Variants in LRIG2 observed in about 807,000 individuals in gnomAD.
LRIG2 encodes leucine rich repeats and immunoglobulin like domains 2.
LRIG2 carries 93 observed loss-of-function variants against 107.8 expected under a neutral mutation model. That is an observed-to-expected ratio of 0.86 (90% confidence interval 0.73 to 1.03). The LOEUF (loss-of-function observed/expected upper bound fraction) is 1.03. Ranked by LOEUF, LRIG2 falls within the 50% of genes least tolerant of loss-of-function variation. LRIG2 has a pLI of 0.00. For synonymous variants in LRIG2, 471 were observed against 470.6 expected (o/e 1.00, Z -0.01); for missense variants, 1,226 against 1,296.0 (o/e 0.95, Z 0.83).
At position 113,116,442 on chromosome 1, in the gene LRIG2, GAC is replaced by G. The variant is rs201659594; in HGVS notation, c.2680+7_2680+8del. 6.7e-7 allele frequency: 1 copy of G among 1,498,652 alleles called. No individual in the cohort carries two copies. Among genetic ancestry groups the G allele is most frequent in the Non-Finnish European group, 8.9e-7 (1 of 1,118,662 alleles). 92.8% of individuals were successfully genotyped at this position (1,498,652 alleles called of 1,614,324 possible). A position where few individuals can be genotyped will look rare whatever the true frequency, so the allele number is the denominator to read the frequency against. ...TATACACAAAGGCACTGACGGTAATGACTCTGTTGTTTATGGTTACAATTTCA... is the reference window on the plus strand; with the variant it reads ...TATACACAAAGGCACTGACGGTAATGTCTGTTGTTTATGGTTACAATTTCA... On this transcript the variant is annotated splice_region_variant and intron_variant, in intron 16 of 17. Coordinates refer to ENST00000361127, the MANE Select transcript of LRIG2 (RefSeq NM_014813.3).
chr1:113,105,752 A>G (rs887609099), intron 11 of LRIG2, among the ~76,000 whole-genome samples: 12 of 152,232 alleles, frequency 7.9e-5, no homozygotes, highest in African/African-American at 1.2e-4. Flanking sequence ...GTCTCAAAAC[A>G]CAGTTGCGTT....
At chr1:113,093,604 A>G (rs764198455) in intron 4 of LRIG2, 40 bp downstream of exon 4, 11 of 572,206 alleles carry the variant, frequency 1.9e-5, no homozygotes, top group Non-Finnish European at 2.9e-5. Context: ...TTTAAAGCAC[A>G]TGTTTATGGG....
chr1:113,075,585 T>G (rs923416969), intron 1 of LRIG2, among the ~76,000 whole-genome samples: 1 of 152,142 alleles, frequency 6.6e-6, no homozygotes, highest in Non-Finnish European at 1.5e-5. Context: ...AGCAAGTGCC[T>G]TTTTCTAAGA....
intron 8 of LRIG2, 81 bp downstream of exon 8, chr1:113,096,446 C>A: frequency 7.0e-7 from 1 of 1,422,940 alleles, no homozygotes; most frequent in Non-Finnish European, 9.6e-7. Flanking sequence ...AACAACTAAT[C>A]AGTCTGCAAA....
rs1320775634 is a variant in LRIG2, at chr1:113,131,656, C to T, written c.*7555C>T. On this transcript the variant is annotated 3_prime_UTR_variant, in exon 18 of 18. Transcript: ENST00000361127. The stretch of plus-strand genomic sequence containing the variant: ...ACAGTCTAAACCAACATCAGTTAGC[C>T]TTGATTTTCTTTCTTTTTTGGACAA... 1 of 152,062 alleles carries T rather than the reference C, an allele frequency of 6.6e-6. No homozygotes were observed. Among genetic ancestry groups the T allele is most frequent in the African/African-American group, 2.4e-5 (1 of 41,392 alleles). The allele number at this position is 152,062 out of a possible 1,614,324, so 9.4% of individuals were successfully genotyped here.
At position 113,110,555 on chromosome 1, in the gene LRIG2, TGTAAATG is replaced by T; in HGVS notation, c.1796_1798+4del. 6.2e-7 allele frequency: 1 copy of T among 1,600,520 alleles called. No individual in the cohort carries two copies. Among genetic ancestry groups the T allele is most frequent in the Non-Finnish European group, 8.5e-7 (1 of 1,169,778 alleles). On this transcript the variant is annotated frameshift_variant and splice_region_variant, in exon 13 of 18. Coordinates refer to ENST00000361127, the MANE Select transcript of LRIG2 (RefSeq NM_014813.3). LOFTEE classifies it high-confidence loss of function. ...ATTATTCTCAGAAAGCCAAACTGAC[TGTAAATG>T]GTAAGGAATTATGCTCCTTGATTTT... is the stretch of plus-strand genomic sequence containing the variant.
intron 17 of LRIG2, among the ~76,000 whole-genome samples, chr1:113,120,152 A>G (rs563981323): frequency 3.9e-5 from 6 of 152,076 alleles, no homozygotes; most frequent in Non-Finnish European, 8.8e-5. Flanking sequence ...TTTAAATAAA[A>G]GAATAAAATA....
rs562578275 is a variant in LRIG2, at chr1:113,088,822, G to A, written c.240-2496G>A. ...CATCTTTTCACTTATATTTTTATAC[G>A]AGTGTATGTGTTTATTGTTTAGTAG... is the stretch of plus-strand genomic sequence containing the variant. On this transcript the variant is annotated intron_variant, in intron 1 of 17. Coordinates refer to ENST00000361127, the MANE Select transcript of LRIG2 (RefSeq NM_014813.3). Among the ~76,000 whole-genome samples, 10 of 152,258 alleles carry A rather than the reference G, an allele frequency of 6.6e-5. No homozygotes were observed. The East Asian group carries it at 1.5e-3, about 24-fold the overall frequency.
Position 113,096,030 on chromosome 1 carries a change from T to C in LRIG2, c.947+13T>C, listed in dbSNP as rs765955201. 1.2e-6 allele frequency: 2 copies of C among 1,614,092 alleles called. No individual in the cohort carries two copies. Among genetic ancestry groups the C allele is most frequent in the South Asian group, 1.1e-5 (1 of 91,082 alleles). On this transcript the variant is annotated intron_variant, in intron 7 of 17. Transcript: ENST00000361127. ...GACTATCCGAACTGTAAGTGTTGGA[T>C]AGCATTTCACTGGAGGCAGTTAAGA... is the stretch of plus-strand genomic sequence containing the variant.
At chr1:113,090,036 T>C (rs1051568624) in intron 1 of LRIG2, among the ~76,000 whole-genome samples, 1 of 151,938 alleles carries the variant, frequency 6.6e-6, no homozygotes, top group Non-Finnish European at 1.5e-5. Flanking sequence ...ATCAAGGATG[T>C]GGTCAACTTC....
chr1:113,077,396 C>T (rs1653029794), intron 1 of LRIG2, among the ~76,000 whole-genome samples: 1 of 152,152 alleles, frequency 6.6e-6, no homozygotes, highest in South Asian at 2.1e-4. Flanking sequence ...CCCACCTTGG[C>T]CTCCCAAAGT....
intron 11 of LRIG2, among the ~76,000 whole-genome samples, chr1:113,101,986 A>T (rs925437214): frequency 2.1e-5 from 3 of 141,088 alleles, no homozygotes; most frequent in African/African-American, 9.2e-5. Flanking sequence ...ACAACTGAAG[A>T]AAAAAAAAAC....
intron 6 of LRIG2, 28 bp from the exon 7 acceptor site, chr1:113,095,846 A>T: frequency 2.5e-6 from 4 of 1,613,604 alleles, no homozygotes; most frequent in Non-Finnish European, 2.5e-6. Flanking sequence ...TTTGGAACGT[A>T]TTTTCTTCTC....
At chr1:113,085,120 C>G (rs1420732114) in intron 1 of LRIG2, among the ~76,000 whole-genome samples, 2 of 152,138 alleles carry the variant, frequency 1.3e-5, no homozygotes, top group African/African-American at 2.4e-5. Flanking sequence ...CCTTCCTCAG[C>G]CTTTCCCAAA....
At chr1:113,080,298 CG>C (rs1474173419) in intron 1 of LRIG2, among the ~76,000 whole-genome samples, 2 of 152,110 alleles carry the variant, frequency 1.3e-5, no homozygotes, top group Admixed American at 6.6e-5. Context: ...GGATTACAGG[CG>C]TGAGCCACTG....
chr1:113,109,259 A>G (rs1654669879), intron 12 of LRIG2, among the ~76,000 whole-genome samples: 1 of 152,168 alleles, frequency 6.6e-6, no homozygotes, highest in Admixed American at 6.6e-5. Context: ...CAGTGGAGAT[A>G]CTGGTTAAGA....
intron 8 of LRIG2, among the ~76,000 whole-genome samples, chr1:113,097,687 A>G (rs1287659444): frequency 6.6e-6 from 1 of 152,190 alleles, no homozygotes; most frequent in African/African-American, 2.4e-5. Context: ...GCAGAAGTAA[A>G]TGGTTGTGTA....
At chr1:113,089,396 G>C (rs1483267042) in intron 1 of LRIG2, among the ~76,000 whole-genome samples, 2 of 152,164 alleles carry the variant, frequency 1.3e-5, no homozygotes, top group Non-Finnish European at 1.5e-5. Flanking sequence ...ATCTAATAAA[G>C]TATTTGCTAG....
rs1221880047 is a variant in LRIG2 at position 113,130,282 on chromosome 1, T to C, written c.*6181T>C. 1 of 152,194 alleles carries C rather than the reference T, an allele frequency of 6.6e-6. No individual in the cohort carries two copies. Among genetic ancestry groups the C allele is most frequent in the African/African-American group, 2.4e-5 (1 of 41,436 alleles). The allele number at this position is 152,194 out of a possible 1,614,324, so 9.4% of individuals were successfully genotyped here. ...CTAAAGTGCCAACTCAGAATAACTT[T>C]CATGTTTAAAAACAGCTGTCTTCAC... On this transcript the variant is annotated 3_prime_UTR_variant, in exon 18 of 18. Coordinates refer to ENST00000361127, the MANE Select transcript of LRIG2 (RefSeq NM_014813.3).
Sources: gnomAD v4.1 joint callset for allele counts (sites outside exome capture counted in the v4.1 genomes callset) on GRCh38, gnomAD v4.1.1 for gene constraint, MANE v1.5 for transcripts, NCBI Gene and HGNC (gene_info 2026-07-23, HGNC 2026-07-21) for gene names.